The following PLEKHA8 variants were observed in gnomAD, a reference collection of about 807,000 sequenced individuals.
PLEKHA8 encodes pleckstrin homology domain-containing family A member 8.
Under a neutral mutation model 68.2 loss-of-function variants are expected in PLEKHA8, and 36 were observed. The ratio of observed to expected loss-of-function variants is 0.53; its 90% CI spans 0.40 to 0.70. The LOEUF (loss-of-function observed/expected upper bound fraction) is 0.70. Ranked by LOEUF, PLEKHA8 falls within the 30% of genes least tolerant of loss-of-function variation. PLEKHA8 has a pLI of 0.00. For synonymous variants in PLEKHA8, 211 were observed against 216.1 expected (o/e 0.98, Z 0.20); for missense variants, 505 against 615.4 (o/e 0.82, Z 1.90).
chr7:30,044,720 G>A (rs939379068), intron 1 of PLEKHA8, among the ~76,000 whole-genome samples: 1 of 152,080 alleles, frequency 6.6e-6, no homozygotes, highest in Admixed American at 6.6e-5. Flanking sequence ...CTAATTATTC[G>A]TCTTAGAAAA....
chr7:30,064,790 C>T (rs528744632), intron 12 of PLEKHA8, among the ~76,000 whole-genome samples: 150 of 152,320 alleles, frequency 9.8e-4, no homozygotes, highest in Middle Eastern at 3.4e-3. Flanking sequence ...AGAAAGACTT[C>T]TCCACCTGTT....
chr7:30,072,248 G>T (rs147204598), intron 12 of PLEKHA8: 1 of 152,148 alleles, frequency 6.6e-6, no homozygotes, highest in Admixed American at 6.5e-5. Context: ...TGGCATTCCA[G>T]CATATTCCTA....
At chr7:30,124,444 G>A (rs565265528) in intron 13 of PLEKHA8, among the ~76,000 whole-genome samples, 4 of 152,170 alleles carry the variant, frequency 2.6e-5, no homozygotes, top group African/African-American at 2.4e-5. Flanking sequence ...AGAGCAAAAT[G>A]TAGGACAAAC....
At chr7:30,103,371 A>G (rs1200723798) in intron 13 of PLEKHA8, among the ~76,000 whole-genome samples, 1 of 152,190 alleles carries the variant, frequency 6.6e-6, no homozygotes, top group Non-Finnish European at 1.5e-5. Flanking sequence ...TGATATGTGA[A>G]TTATATCTCA....
intron 13 of PLEKHA8, among the ~76,000 whole-genome samples, chr7:30,099,248 A>G (rs556116190): frequency 6.6e-6 from 1 of 152,266 alleles, no homozygotes; most frequent in Non-Finnish European, 1.5e-5. Flanking sequence ...GAAACAAAAC[A>G]CCACAAACAA....
chr7:30,083,166 C>G lies in PLEKHA8; in HGVS notation c.*4379C>G, dbSNP rs1795028328. 2.0e-6 allele frequency: 2 copies of G among 983,028 alleles called. No individual in the cohort carries two copies. The highest frequency in any genetic ancestry group is 4.7e-5 in the South Asian group (1 of 21,244). 60.9% of individuals were successfully genotyped at this position (983,028 alleles called of 1,614,324 possible). ...CTTAGAGGGCCTGACTTCAGATACT[C>G]TTTGTGATCTTGTAAGGGCTCTACA... On this transcript the variant is annotated 3_prime_UTR_variant, in exon 14 of 14. Transcript: ENST00000449726.
At chr7:30,067,390 C>T (rs1238758673) in intron 12 of PLEKHA8, among the ~76,000 whole-genome samples, 2 of 152,066 alleles carry the variant, frequency 1.3e-5, no homozygotes, top group Non-Finnish European at 2.9e-5. Flanking sequence ...GGATCACTTG[C>T]GCCAGGGATG....
rs1228776383 is a variant in PLEKHA8 at position 30,081,929 on chromosome 7, G to A, written c.*3142G>A. The A allele has an allele frequency of 1.0e-6, 1 of 969,152 alleles. No homozygotes were observed. The highest frequency in any genetic ancestry group is 1.2e-6 in the Non-Finnish European group (1 of 815,348). 60.0% of individuals were successfully genotyped at this position (969,152 alleles called of 1,614,324 possible). A position where few individuals can be genotyped will look rare whatever the true frequency, so the allele number is the denominator to read the frequency against. On this transcript the variant is annotated 3_prime_UTR_variant, in exon 14 of 14. Coordinates refer to ENST00000449726, the MANE Select transcript of PLEKHA8 (RefSeq NM_001197026.2). ...CAAGTCTCTTGACTTTTGAAAGCAA[G>A]TCAGATTCCTTATAGCTAATGCTGG...
chr7:30,102,295 G>C (rs1265444284), intron 13 of PLEKHA8, among the ~76,000 whole-genome samples: 4 of 152,252 alleles, frequency 2.6e-5, no homozygotes, highest in Non-Finnish European at 4.4e-5. Flanking sequence ...ATATTGGTGA[G>C]GATGTGGAGA....
At chr7:30,110,224 A>G (rs2128016937) in intron 13 of PLEKHA8, among the ~76,000 whole-genome samples, 1 of 152,028 alleles carries the variant, frequency 6.6e-6, no homozygotes, top group Admixed American at 6.5e-5. Context: ...TTCTGTTTCT[A>G]TTGATTTTCC....
At chr7:30,052,399 C>T (rs191077077) in intron 6 of PLEKHA8, among the ~76,000 whole-genome samples, 32 of 152,172 alleles carry the variant, frequency 2.1e-4, no homozygotes, top group African/African-American at 7.0e-4. Flanking sequence ...CACTTTAGAA[C>T]GCTGAGGTGG....
chr7:30,089,426 A>G (rs554958506), downstream of PLEKHA8, among the ~76,000 whole-genome samples: 52 of 151,074 alleles, frequency 3.4e-4, 1 homozygote, highest in Middle Eastern at 3.4e-3. Flanking sequence ...CTGTCTGCTC[A>G]ATGTCTGTGA....
At position 30,049,046 on chromosome 7, in the gene PLEKHA8, A is replaced by T. The variant is rs981496356; in HGVS notation, c.439-178A>T. 1.6e-5 allele frequency: 11 copies of T among 706,570 alleles called. No individual in the cohort carries two copies. The Admixed American group carries it at 2.5e-4, about 16-fold the overall frequency. 43.8% of individuals were successfully genotyped at this position (706,570 alleles called of 1,614,324 possible). On this transcript the variant is annotated intron_variant, in intron 4 of 13. Transcript: ENST00000449726. ...CATTGCTTGTAGGTGAAAGTCAAATAGTGCTGATAGTTACTTGATTAATAG... is the reference window on the plus strand; with the variant it reads ...CATTGCTTGTAGGTGAAAGTCAAATTGTGCTGATAGTTACTTGATTAATAG...
At chr7:30,107,883 A>G (rs139602238) in intron 13 of PLEKHA8, among the ~76,000 whole-genome samples, 178 of 152,266 alleles carry the variant, frequency 1.2e-3, no homozygotes, top group African/African-American at 4.0e-3. Context: ...AGCCTGACCA[A>G]CATGGAGAAA....
chr7:30,123,931 C>T (rs116184048), intron 13 of PLEKHA8, among the ~76,000 whole-genome samples: 1 of 152,236 alleles, frequency 6.6e-6, no homozygotes, highest in Admixed American at 6.5e-5. Flanking sequence ...AATACCAAAA[C>T]ATTGATGGCT....
chr7:30,113,679 T>G lies in PLEKHA8; in HGVS notation c.1363-15587T>G, dbSNP rs763947995. ...TCACTATTCTCCCTATTACTGTTTCTGGAATTTCTATTAAATACATATTGG... is the reference window on the plus strand; with the variant it reads ...TCACTATTCTCCCTATTACTGTTTCGGGAATTTCTATTAAATACATATTGG... On this transcript the variant is annotated intron_variant, in intron 13 of 13. Coordinates refer to the PLEKHA8 transcript ENST00000396257. Among the ~76,000 whole-genome samples the G allele has an allele frequency of 3.7e-4, 57 of 152,210 alleles. 1 individual carries two copies. Among genetic ancestry groups the G allele is most frequent in the Non-Finnish European group, 7.1e-4 (48 of 68,048 alleles).
At chr7:30,054,112 A>C (rs1039378624) in intron 7 of PLEKHA8, among the ~76,000 whole-genome samples, 2 of 152,180 alleles carry the variant, frequency 1.3e-5, no homozygotes, top group Non-Finnish European at 2.9e-5. Context: ...CAAAAACAAT[A>C]AAATGCACAA....
chr7:30,099,941 C>G (rs774775859), intron 13 of PLEKHA8, among the ~76,000 whole-genome samples: 4 of 152,152 alleles, frequency 2.6e-5, no homozygotes, highest in African/African-American at 4.8e-5. Flanking sequence ...GACTGGAAGT[C>G]CAAAACTAAG....
intron 4 of PLEKHA8, among the ~76,000 whole-genome samples, chr7:30,048,164 CAAAATT>C (rs1307367649): frequency 3.3e-5 from 5 of 152,080 alleles, no homozygotes; most frequent in Admixed American, 2.6e-4. Flanking sequence ...AAAAAAGTAA[CAAAATT>C]AAACAAAGAG....
Sources: allele counts gnomAD v4.1 joint callset (sites outside exome capture counted in the v4.1 genomes callset), GRCh38; gene constraint gnomAD v4.1.1; transcripts MANE v1.5; gene names NCBI Gene and HGNC (gene_info 2026-07-23, HGNC 2026-07-21).